PADI6: variants seen among roughly 807,000 people sequenced by gnomAD.
PADI6 encodes the protein peptidyl arginine deiminase 6, also known as inactive protein-arginine deiminase type-6.
In PADI6, 66 loss-of-function variants were observed where a neutral mutation model predicts 78.2. The observed-to-expected ratio is 0.84, with a 90% CI of 0.69 to 1.04. The LOEUF (loss-of-function observed/expected upper bound fraction) is 1.04, where lower values mean the gene tolerates loss of function less well. PADI6 is among the 50% of genes least tolerant of loss of function. The probability of loss-of-function intolerance (pLI) is 0.00; values close to 1 mark genes in which losing one functional copy is unlikely to be tolerated. For missense variants in PADI6, 854 were observed against 866.1 expected, an observed-to-expected ratio of 0.99 and a Z score of 0.18; for synonymous variants, 397 against 346.9, an observed-to-expected ratio of 1.14 and a Z score of -1.60.
In PADI6 at chr1:17,392,200, C is replaced by A; in HGVS notation, c.1049C>A (p.Pro350His). 1 of 1,557,756 alleles carries A rather than the reference C, an allele frequency of 6.4e-7. No homozygotes were observed. The highest frequency in any genetic ancestry group is 1.2e-5 in the South Asian group (1 of 84,344). The stretch of plus-strand genomic sequence containing the variant: ...CAGGTGGCATCTGTCTATGAGGACC[C>A]CAACCGCCTGGGCAGGTGGCTCCAG... The part of the protein sequence containing the change: ...NSQVASVYED[P>H]NRLGRWLQDE... The change falls in exon 9 of 16, where the codon CCC becomes CAC. Residue 350 changes from proline to histidine, a missense_variant. Transcript: ENST00000619609.
intron 12 of PADI6, 149 bp downstream of exon 12, chr1:17,395,256 T>C: frequency 8.7e-7 from 1 of 1,142,874 alleles, no homozygotes; most frequent in South Asian, 1.6e-5. Context: ...CAGGCTGGAG[T>C]GCAGTGGCGT....
intron 14 of PADI6, among the ~76,000 whole-genome samples, chr1:17,398,178 A>G (rs544005297): frequency 6.6e-6 from 1 of 152,186 alleles, no homozygotes; most frequent in Non-Finnish European, 1.5e-5. Context: ...GGAATGTTCT[A>G]TGCCCCGCAC....
At chr1:17,375,646 T>G in intron 3 of PADI6, 147 bp downstream of exon 3, 1 of 664,654 alleles carries the variant, frequency 1.5e-6, no homozygotes, top group Non-Finnish European at 2.6e-6. Flanking sequence ...AACTCCTAAA[T>G]GGATTCATTT....
intron 13 of PADI6, 80 bp downstream of exon 13, chr1:17,395,743 C>A: frequency 6.7e-7 from 1 of 1,489,356 alleles, no homozygotes; most frequent in South Asian, 1.3e-5. Context: ...CATTCTGTCA[C>A]GCTTGGCGTA....
chr1:17,397,632 A>G (rs35164410), intron 14 of PADI6, among the ~76,000 whole-genome samples: 32,545 of 152,108 alleles, frequency 0.21, 3,659 homozygotes, highest in Middle Eastern at 0.37. Context: ...TGGCCCAAGC[A>G]TTTTGCGAGA....
chr1:17,373,119 G>A lies in PADI6; in HGVS notation c.180G>A (p.Val60=). 3.7e-6 allele frequency: 6 copies of A among 1,613,988 alleles called. No individual in the cohort carries two copies. The highest frequency in any genetic ancestry group is 1.3e-5 in the African/African-American group (1 of 75,052). Residue 60 remains valine, a synonymous_variant, in exon 2 of 16, where the codon GTG becomes GTA. Coordinates refer to ENST00000619609, the MANE Select transcript of PADI6 (RefSeq NM_207421.4). The part of the protein sequence containing the change: ...IHGSGRVLID[V]ANTVISEKED... ...GCTCTGGGAGGGTCTTGATCGATGT[G>A]GCCAACACGGTGATTTCTGAGAAGG... is the stretch of plus-strand genomic sequence containing the variant.
chr1:17,373,033 G>A (rs758520557), intron 1 of PADI6, 23 bp from the exon 2 acceptor site: 37 of 1,609,068 alleles, frequency 2.3e-5, no homozygotes, highest in African/African-American at 1.7e-4. Flanking sequence ...GCCCTGACGC[G>A]TGTCTCTTAC....
intron 13 of PADI6, among the ~76,000 whole-genome samples, chr1:17,396,292 A>AG (rs1189893215): frequency 1.5e-4 from 23 of 152,212 alleles, no homozygotes; most frequent in Admixed American, 1.5e-3. Context: ...AGGCTGAGGC[A>AG]GGGGAATCGC....
At chr1:17,387,870 C>G (rs189945052) in intron 6 of PADI6, among the ~76,000 whole-genome samples, 2 of 152,210 alleles carry the variant, frequency 1.3e-5, no homozygotes, top group African/African-American at 4.8e-5. Context: ...ACAGGCTTAA[C>G]ATGTATAATC....
intron 8 of PADI6, among the ~76,000 whole-genome samples, chr1:17,390,060 A>ATCCTCCTGCCTC (rs2075166973): frequency 6.6e-6 from 1 of 151,706 alleles, no homozygotes; most frequent in Non-Finnish European, 1.5e-5. Flanking sequence ...GCACTTTGGG[A>ATCCTCCTGCCTC]GGCCGAGGCA....
chr1:17,378,576 A>G (rs1327488021), intron 3 of PADI6, among the ~76,000 whole-genome samples: 2 of 152,158 alleles, frequency 1.3e-5, no homozygotes, highest in Non-Finnish European at 2.9e-5. Context: ...GTACCTGGGC[A>G]AAAGCCTAGA....
Position 17,401,060 on chromosome 1 carries a change from AG to A in PADI6, c.1852-144del. Reference sequence around the variant, plus strand: ...TTGAGAAACAGCCATTGTAGGGCTAAGCAAAAGTGAGCTGGGTTTCACTGAC... The same window carrying A: ...TTGAGAAACAGCCATTGTAGGGCTAACAAAAGTGAGCTGGGTTTCACTGAC... On this transcript the variant is annotated intron_variant, in intron 15 of 15. Transcript: ENST00000619609. The A allele has an allele frequency of 4.4e-6, 3 of 677,270 alleles. No homozygotes were observed. The South Asian group carries it at 5.8e-5, about 13-fold the overall frequency. The allele number at this position is 677,270 out of a possible 1,614,324, so 42.0% of individuals were successfully genotyped here.
chr1:17,391,516 G>A (rs573823909), intron 8 of PADI6, among the ~76,000 whole-genome samples: 4 of 152,298 alleles, frequency 2.6e-5, no homozygotes, highest in South Asian at 2.1e-4. Context: ...CACTGCGTCC[G>A]GCCAGATGAG....
intron 8 of PADI6, among the ~76,000 whole-genome samples, chr1:17,391,133 C>T (rs770180841): frequency 1.3e-5 from 2 of 152,238 alleles, no homozygotes; most frequent in Admixed American, 6.5e-5. Context: ...AGCCGGACTA[C>T]AGTCCCAATT....
At chr1:17,398,936 TGG>T in intron 15 of PADI6, 89 bp downstream of exon 15, 1 of 1,376,174 alleles carries the variant, frequency 7.3e-7, no homozygotes, top group Non-Finnish European at 1.0e-6. Context: ...GCAGATATGG[TGG>T]ACAGCAGATA....
chr1:17,373,006 G>T (rs112517368), intron 1 of PADI6, 50 bp from the exon 2 acceptor site: 4 of 1,563,764 alleles, frequency 2.6e-6, no homozygotes, highest in Non-Finnish European at 3.5e-6. Flanking sequence ...CATCTCCTAG[G>T]CTGAGAAGGT....
At chr1:17,394,732 A>G (rs2075228207) in intron 11 of PADI6, among the ~76,000 whole-genome samples, 2 of 152,220 alleles carry the variant, frequency 1.3e-5, no homozygotes, top group Admixed American at 1.3e-4. Flanking sequence ...CATAAATCCA[A>G]AATGATACTT....
At chr1:17,373,330 G>A in intron 2 of PADI6, 97 bp downstream of exon 2, 6 of 1,413,498 alleles carry the variant, frequency 4.2e-6, no homozygotes, top group Non-Finnish European at 4.8e-6. Context: ...CTCGAGCCTG[G>A]GAAACACGTT....
intron 6 of PADI6, among the ~76,000 whole-genome samples, chr1:17,386,052 G>A (rs568004555): frequency 1.4e-4 from 12 of 87,244 alleles, no homozygotes; most frequent in African/African-American, 5.3e-4. Flanking sequence ...TATGCCCCCA[G>A]GGTGGGTAGG....
Sources: gnomAD v4.1 joint callset for allele counts (sites outside exome capture counted in the v4.1 genomes callset) on GRCh38, gnomAD v4.1.1 for gene constraint, MANE v1.5 for transcripts, NCBI Gene and HGNC (gene_info 2026-07-23, HGNC 2026-07-21) for gene names.